The following CCNJL variants were observed in gnomAD, a reference collection of about 807,000 sequenced individuals.
CCNJL encodes cyclin J like.
CCNJL carries 33 observed loss-of-function variants against 33.4 expected under a neutral mutation model. The observed-to-expected ratio is 0.99, with a 90% CI of 0.75 to 1.32. The LOEUF (loss-of-function observed/expected upper bound fraction) is 1.32, where lower values mean the gene tolerates loss of function less well. CCNJL is among the 40% of genes most tolerant of loss of function. CCNJL has a pLI of 0.00. For missense variants in CCNJL, 512 were observed against 499.7 expected, an observed-to-expected ratio of 1.02 and a Z score of -0.23; for synonymous variants, 227 against 220.9, an observed-to-expected ratio of 1.03 and a Z score of -0.24.
At position 160,321,014 on chromosome 5, in the gene CCNJL, CTTT is replaced by C. The variant is rs1763449374; in HGVS notation, n.207-5512_207-5510del. 7.5e-4 allele frequency among the ~76,000 whole-genome samples: 27 copies of C among 35,964 alleles called. 3 individuals carry two copies. The highest frequency in any genetic ancestry group is 3.3e-3 in the African/African-American group (27 of 8,164). The allele number at this position is 35,964 out of a possible 152,430, so 23.6% of individuals were successfully genotyped here. A position where few individuals can be genotyped will look rare whatever the true frequency, so the allele number is the denominator to read the frequency against. On this transcript the variant is annotated intron_variant and non_coding_transcript_variant, in intron 1 of 7. Coordinates refer to the CCNJL transcript ENST00000377503. ...TCTTTCTTTCTCTCTCTCTCTCTCT[CTTT>C]CTTTCTTTCTTTCTTTCTTTCTTTC...
intron 2 of CCNJL, among the ~76,000 whole-genome samples, chr5:160,299,930 A>G: frequency 6.6e-6 from 1 of 151,754 alleles, no homozygotes; most frequent in East Asian, 1.9e-4. Context: ...ATTTTCATGC[A>G]TGGACGGACC....
chr5:160,320,859 TTCTTTCTTTCTC>T (rs1763440397), intron 1 of CCNJL, among the ~76,000 whole-genome samples: 4 of 133,870 alleles, frequency 3.0e-5, no homozygotes, highest in South Asian at 2.4e-4. Context: ...CCTTCTTTCT[TTCTTTCTTTCTC>T]TCTTTCTTTC....
At chr5:160,274,549 C>T (rs1761946574) in intron 3 of CCNJL, among the ~76,000 whole-genome samples, 1 of 152,192 alleles carries the variant, frequency 6.6e-6, no homozygotes, top group Admixed American at 6.5e-5. Context: ...AGGGACCCTG[C>T]TCTGCAGGAG....
intron 3 of CCNJL, among the ~76,000 whole-genome samples, chr5:160,273,940 CA>C (rs2113318888): frequency 6.6e-6 from 1 of 151,934 alleles, no homozygotes; most frequent in African/African-American, 2.4e-5. Context: ...TGAGCCACTG[CA>C]CCCGGCCTAC....
chr5:160,283,003 A>ATATG (rs1434020454), intron 2 of CCNJL, among the ~76,000 whole-genome samples: 3 of 58,204 alleles, frequency 5.2e-5, no homozygotes, highest in Non-Finnish European at 9.3e-5. Flanking sequence ...ATATATATAT[A>ATATG]TATATACATA....
chr5:160,269,681 T>G, intron 3 of CCNJL: 1 of 350,914 alleles, frequency 2.8e-6, no homozygotes, highest in Non-Finnish European at 5.7e-6. Flanking sequence ...CAAATGCTGC[T>G]CTGCTGGCTC....
intron 3 of CCNJL, among the ~76,000 whole-genome samples, chr5:160,262,614 G>A (rs1761392223): frequency 6.6e-6 from 1 of 152,196 alleles, no homozygotes; most frequent in Non-Finnish European, 1.5e-5. Flanking sequence ...GCTTCGAGCT[G>A]GTCATGCACT....
chr5:160,318,312 G>A (rs761591471), intron 1 of CCNJL, among the ~76,000 whole-genome samples: 18 of 152,122 alleles, frequency 1.2e-4, no homozygotes, highest in Non-Finnish European at 1.9e-4. Flanking sequence ...CCACCACGCC[G>A]GGCCATGTCT....
intron 5 of CCNJL, chr5:160,254,440 A>C (rs1376115680): frequency 3.8e-6 from 2 of 528,944 alleles, no homozygotes; most frequent in East Asian, 6.4e-5. Context: ...CACTCAGACC[A>C]GGCTTTGGGG....
At chr5:160,325,458 A>ATT (rs1763522912) in intron 1 of CCNJL, among the ~76,000 whole-genome samples, 1 of 152,134 alleles carries the variant, frequency 6.6e-6, no homozygotes, top group African/African-American at 2.4e-5. Flanking sequence ...TTTTGCTGGG[A>ATT]ATGTTACCAC....
chr5:160,253,371 A>T lies in CCNJL; in HGVS notation c.*7T>A. The T allele has an allele frequency of 6.4e-7, 1 of 1,566,358 alleles. No homozygotes were observed. The highest frequency in any genetic ancestry group is 1.2e-5 in the South Asian group (1 of 82,228). ...TCCAAGGCTTCCTCGTGAGGTCTGGAGGTGGCCTATCTGTCAAAGCAGCCG... is the reference window on the plus strand; with the variant it reads ...TCCAAGGCTTCCTCGTGAGGTCTGGTGGTGGCCTATCTGTCAAAGCAGCCG... On this transcript the variant is annotated 3_prime_UTR_variant, in exon 6 of 6. Coordinates refer to ENST00000257536, the MANE Select transcript of CCNJL (RefSeq NM_001308173.3).
rs757309950 is a variant in CCNJL at position 160,258,713 on chromosome 5, A to C, written c.583+756T>G. On this transcript the variant is annotated intron_variant, in intron 4 of 5. Transcript: ENST00000257536. ...ATATCTATTGTAAAAAACAAACAAAAAAAAGACAGAGTCTCGCTCTGTTGC... is the reference window on the plus strand; with the variant it reads ...ATATCTATTGTAAAAAACAAACAAACAAAAGACAGAGTCTCGCTCTGTTGC... 1.1e-5 allele frequency: 8 copies of C among 722,260 alleles called. 1 individual carries two copies. Among genetic ancestry groups the C allele is most frequent in the African/African-American group, 1.8e-5 (1 of 56,506 alleles). The allele number at this position is 722,260 out of a possible 1,614,324, so 44.7% of individuals were successfully genotyped here.
upstream of CCNJL, among the ~76,000 whole-genome samples, chr5:160,314,800 G>C (rs983837670): frequency 2.0e-5 from 3 of 152,136 alleles, no homozygotes; most frequent in East Asian, 3.8e-4. Flanking sequence ...AATTCATATG[G>C]ATAGATGTTA....
Position 160,320,963 on chromosome 5 carries a change from TC to T in CCNJL, n.207-5459del, listed in dbSNP as rs1227359829. 1.1e-4 allele frequency among the ~76,000 whole-genome samples: 15 copies of T among 140,538 alleles called. 1 individual carries two copies. Among genetic ancestry groups the T allele is most frequent in the African/African-American group, 3.0e-4 (11 of 36,370 alleles). The allele number at this position is 140,538 out of a possible 152,430, so 92.2% of individuals were successfully genotyped here. A position where few individuals can be genotyped will look rare whatever the true frequency, so the allele number is the denominator to read the frequency against. Reference sequence around the variant, plus strand: ...TCCTTCCTTCCCTCCTTCTCTCCTCTCTGTCTCTCCCTCCCTCTCTCTCTTT... The same window carrying T: ...TCCTTCCTTCCCTCCTTCTCTCCTCTTGTCTCTCCCTCCCTCTCTCTCTTT... On this transcript the variant is annotated intron_variant and non_coding_transcript_variant, in intron 1 of 7. Transcript: ENST00000377503.
At chr5:160,320,916 CTTCCTTCCTTCCTTCT>C (rs1182984734) in intron 1 of CCNJL, among the ~76,000 whole-genome samples, 2 of 143,380 alleles carry the variant, frequency 1.4e-5, no homozygotes, top group Non-Finnish European at 3.0e-5. Context: ...CCCTCTGTCC[CTTCCTTCCTTCCTTCT>C]TTCCTTCCTT....
chr5:160,292,995 A>G (rs1762635336), intron 2 of CCNJL, among the ~76,000 whole-genome samples: 1 of 152,256 alleles, frequency 6.6e-6, no homozygotes, highest in African/African-American at 2.4e-5. Context: ...GCTTAAGATC[A>G]CCCAGTTAAT....
At chr5:160,298,700 T>C (rs1429391298) in intron 2 of CCNJL, among the ~76,000 whole-genome samples, 7 of 152,090 alleles carry the variant, frequency 4.6e-5, no homozygotes, top group East Asian at 1.9e-4. Context: ...GAGGAAGCGA[T>C]GGACAACAGC....
intron 5 of CCNJL, chr5:160,254,317 T>A: frequency 3.0e-6 from 2 of 670,940 alleles, no homozygotes; most frequent in Non-Finnish European, 5.4e-6. Flanking sequence ...GGCCTAGGAT[T>A]TTTCATCTGA....
chr5:160,272,582 T>C lies in CCNJL; in HGVS notation c.280+7943A>G, dbSNP rs534527704. On this transcript the variant is annotated intron_variant, in intron 3 of 5. Transcript: ENST00000257536. ...GAGGGGCCGGGATGGAGAAGAGACA[T>C]TGCTTGTTCTTTTATAGTTTATTGT... is the stretch of plus-strand genomic sequence containing the variant. 4.6e-5 allele frequency among the ~76,000 whole-genome samples: 7 copies of C among 152,280 alleles called. No homozygotes were observed. The South Asian group carries it at 8.3e-4, about 18-fold the overall frequency.
Sources: allele counts gnomAD v4.1 joint callset (sites outside exome capture counted in the v4.1 genomes callset), GRCh38; gene constraint gnomAD v4.1.1; transcripts MANE v1.5; gene names NCBI Gene and HGNC (gene_info 2026-07-23, HGNC 2026-07-21).